Variants in SLC39A11 observed in about 807,000 individuals in gnomAD.
The protein encoded by SLC39A11 is solute carrier family 39 member 11, also known as zinc transporter ZIP11.
Under a neutral mutation model 36.1 loss-of-function variants are expected in SLC39A11, and 33 were observed. The observed-to-expected ratio is 0.91, with a 90% CI of 0.69 to 1.22. The LOEUF (loss-of-function observed/expected upper bound fraction) is 1.22, where lower values mean the gene tolerates loss of function less well. Ranked by LOEUF, SLC39A11 falls within the 50% of genes most tolerant of loss-of-function variation. The probability of loss-of-function intolerance (pLI) is 0.00; values close to 1 mark genes in which losing one functional copy is unlikely to be tolerated. For missense variants in SLC39A11, 432 were observed against 430.3 expected, an observed-to-expected ratio of 1.00 and a Z score of -0.03; for synonymous variants, 166 against 170.3, an observed-to-expected ratio of 0.97 and a Z score of 0.20.
chr17:73,059,188 T>C (rs1239168614), intron 3 of SLC39A11, among the ~76,000 whole-genome samples: 2 of 152,236 alleles, frequency 1.3e-5, no homozygotes, highest in Admixed American at 6.5e-5. Context: ...AAGCTGAATA[T>C]ATTTGGGTTT....
intron 4 of SLC39A11, among the ~76,000 whole-genome samples, chr17:72,951,476 T>G (rs2085861664): frequency 6.6e-6 from 1 of 152,140 alleles, no homozygotes; most frequent in Admixed American, 6.5e-5. Context: ...CTGTTAAGTG[T>G]CAACTCTGTA....
Position 72,768,961 on chromosome 17 carries a change from C to T in SLC39A11, c.602-32242G>A, listed in dbSNP as rs546921145. 3.0e-3 allele frequency among the ~76,000 whole-genome samples: 456 copies of T among 152,194 alleles called. 2 individuals are homozygous for T. Among genetic ancestry groups the T allele is most frequent in the African/African-American group, 0.01 (420 of 41,522 alleles). On this transcript the variant is annotated intron_variant, in intron 6 of 9. Transcript: ENST00000255559. Reference sequence around the variant, plus strand: ...ATTTTTAGTAGAGATGGGGTTTCACCGTGTTAGCCAGGATGGTCTCAATCT... The same window carrying T: ...ATTTTTAGTAGAGATGGGGTTTCACTGTGTTAGCCAGGATGGTCTCAATCT...
At chr17:72,795,887 G>T (rs2076879480) in intron 6 of SLC39A11, among the ~76,000 whole-genome samples, 1 of 152,140 alleles carries the variant, frequency 6.6e-6, no homozygotes, top group Non-Finnish European at 1.5e-5. Flanking sequence ...ACACCATTTG[G>T]TATGTAACAG....
intron 6 of SLC39A11, among the ~76,000 whole-genome samples, chr17:72,816,137 A>G (rs1228941154): frequency 6.6e-6 from 1 of 152,158 alleles, no homozygotes; most frequent in East Asian, 1.9e-4. Context: ...ATCTGTCCTT[A>G]TTTCTGTAGG....
intron 4 of SLC39A11, among the ~76,000 whole-genome samples, chr17:72,981,581 A>G (rs974936343): frequency 6.2e-5 from 8 of 128,412 alleles, no homozygotes; most frequent in African/African-American, 2.4e-4. Context: ...TGGATGAATT[A>G]AATATTTAAA....
rs1243530073 is a variant in SLC39A11, at chr17:73,022,158, G to A, written c.306+9398C>T. Among the ~76,000 whole-genome samples the A allele has an allele frequency of 3.3e-5, 5 of 152,230 alleles. No homozygotes were observed. In the East Asian group the frequency reaches 9.6e-4, roughly 29 times the overall value. On this transcript the variant is annotated intron_variant, in intron 4 of 9. Transcript: ENST00000255559. ...AGCTAACACACATGGGCATACAAAT[G>A]CATAGAACAGTATTCACCAGCTGCC... is the stretch of plus-strand genomic sequence containing the variant.
intron 6 of SLC39A11, among the ~76,000 whole-genome samples, chr17:72,816,421 G>A (rs2077586302): frequency 6.7e-6 from 1 of 148,170 alleles, no homozygotes; most frequent in African/African-American, 2.5e-5. Flanking sequence ...CCAGGCAAGA[G>A]CACATCCAAT....
At chr17:72,961,743 TG>T (rs2086627962) in intron 4 of SLC39A11, among the ~76,000 whole-genome samples, 1 of 132,994 alleles carries the variant, frequency 7.5e-6, no homozygotes. Flanking sequence ...TGTCAGGAGG[TG>T]GGGGGCTGGG....
chr17:72,746,000 C>T (rs1161017950), intron 6 of SLC39A11, among the ~76,000 whole-genome samples: 1 of 152,142 alleles, frequency 6.6e-6, no homozygotes, highest in Non-Finnish European at 1.5e-5. Flanking sequence ...ACTTAAATTA[C>T]AGTTAGACGG....
At chr17:72,836,579 G>A (rs548613716) in intron 6 of SLC39A11, among the ~76,000 whole-genome samples, 5 of 152,170 alleles carry the variant, frequency 3.3e-5, no homozygotes, top group East Asian at 3.9e-4. Flanking sequence ...AGGTTCAAGC[G>A]ATTCACCTGC....
In SLC39A11 at chr17:73,090,905, G is replaced by A. The variant is rs78272455; in HGVS notation, c.-12+1706C>T. 4.7e-3 allele frequency among the ~76,000 whole-genome samples: 709 copies of A among 152,250 alleles called. 6 individuals are homozygous for A. The highest frequency in any genetic ancestry group is 0.027 in the East Asian group (138 of 5,180). ...TCCCAACAGGAGCAGCATTGATCAC[G>A]GGCAATGCAAGCCCAGTGCCCCTCG... is the stretch of plus-strand genomic sequence containing the variant. On this transcript the variant is annotated intron_variant, in intron 1 of 9. Coordinates refer to ENST00000255559, the MANE Select transcript of SLC39A11 (RefSeq NM_139177.4).
At chr17:73,018,458 G>T (rs2058240516) in intron 4 of SLC39A11, among the ~76,000 whole-genome samples, 1 of 151,994 alleles carries the variant, frequency 6.6e-6, no homozygotes, top group Admixed American at 6.6e-5. Context: ...TGAGGCAGGA[G>T]AATCACTTGA....
intron 5 of SLC39A11, among the ~76,000 whole-genome samples, chr17:72,865,145 C>G (rs1381767893): frequency 2.0e-5 from 3 of 151,932 alleles, no homozygotes; most frequent in African/African-American, 7.3e-5. Flanking sequence ...GAAACCGGAG[C>G]CTTAAACACC....
At chr17:72,771,288 T>C (rs2075930037) in intron 6 of SLC39A11, among the ~76,000 whole-genome samples, 1 of 150,650 alleles carries the variant, frequency 6.6e-6, no homozygotes, top group South Asian at 2.1e-4. Flanking sequence ...GTGGCTGAGG[T>C]TGCAGTGAGC....
chr17:72,847,585 G>A (rs1163615310), intron 6 of SLC39A11, among the ~76,000 whole-genome samples: 1 of 152,108 alleles, frequency 6.6e-6, no homozygotes, highest in Non-Finnish European at 1.5e-5. Flanking sequence ...AGAGGAATGT[G>A]CTTCTTATCT....
chr17:73,067,562 G>A (rs1285555629), intron 3 of SLC39A11, among the ~76,000 whole-genome samples: 4 of 152,086 alleles, frequency 2.6e-5, no homozygotes, highest in Non-Finnish European at 4.4e-5. Context: ...AACTGGCAAT[G>A]AAGACGCTTA....
chr17:72,975,622 A>C (rs997757790), intron 4 of SLC39A11, among the ~76,000 whole-genome samples: 3 of 152,188 alleles, frequency 2.0e-5, no homozygotes, highest in African/African-American at 4.8e-5. Flanking sequence ...GACCTGTGAG[A>C]AATAAATGTC....
At chr17:73,055,170 G>A (rs1467132663) in intron 3 of SLC39A11, among the ~76,000 whole-genome samples, 1 of 152,210 alleles carries the variant, frequency 6.6e-6, no homozygotes, top group African/African-American at 2.4e-5. Context: ...TGGAAGAGAA[G>A]GGCTCTTCTG....
intron 5 of SLC39A11, among the ~76,000 whole-genome samples, chr17:72,861,688 T>TATATATATATATAA (rs1169877556): frequency 2.3e-5 from 2 of 88,782 alleles, no homozygotes; most frequent in African/African-American, 4.4e-5. Context: ...TATATATATA[T>TATATATATATATAA]AAAATATATA....
Sources: gnomAD v4.1 joint callset for allele counts (sites outside exome capture counted in the v4.1 genomes callset) on GRCh38, gnomAD v4.1.1 for gene constraint, MANE v1.5 for transcripts, NCBI Gene and HGNC (gene_info 2026-07-23, HGNC 2026-07-21) for gene names.